DTD1: variants seen among roughly 807,000 people sequenced by gnomAD.
DTD1 encodes D-aminoacyl-tRNA deacylase 1.
DTD1 carries 13 observed loss-of-function variants against 25.6 expected under a neutral mutation model. The ratio of observed to expected loss-of-function variants is 0.51; its 90% CI spans 0.33 to 0.81. The LOEUF is 0.81. Among genes scored for constraint, DTD1 ranks in the 30% least tolerant of loss-of-function variants. DTD1 has a pLI of 0.02. For synonymous variants in DTD1, 110 were observed against 103.6 expected (o/e 1.06, Z -0.37); for missense variants, 193 against 266.4 (o/e 0.72, Z 1.92).
chr20:18,651,998 C>T (rs2060875956), intron 4 of DTD1, among the ~76,000 whole-genome samples: 1 of 152,176 alleles, frequency 6.6e-6, no homozygotes, highest in African/African-American at 2.4e-5. Flanking sequence ...TGGTTCCTGT[C>T]CCCATTGGCA....
chr20:18,639,194 A>G (rs535032463), intron 4 of DTD1, among the ~76,000 whole-genome samples: 1 of 151,562 alleles, frequency 6.6e-6, no homozygotes, highest in Non-Finnish European at 1.5e-5. Context: ...AAAAAAAAAA[A>G]AAAAGCAAGC....
At chr20:18,644,763 A>G (rs1283660288) in intron 4 of DTD1, among the ~76,000 whole-genome samples, 3 of 152,134 alleles carry the variant, frequency 2.0e-5, no homozygotes, top group Non-Finnish European at 4.4e-5. Context: ...TTTGAGATAA[A>G]TCAGTTCCAT....
At chr20:18,609,945 A>G (rs1048848230) in intron 3 of DTD1, among the ~76,000 whole-genome samples, 3 of 152,230 alleles carry the variant, frequency 2.0e-5, no homozygotes, top group Admixed American at 6.5e-5. Context: ...AATTAAGTCA[A>G]ATCCTCTGAG....
intron 4 of DTD1, among the ~76,000 whole-genome samples, chr20:18,669,113 G>A (rs2060942506): frequency 6.6e-6 from 1 of 152,048 alleles, no homozygotes; most frequent in South Asian, 2.1e-4. Context: ...AATTATATCT[G>A]GACTGTAATA....
chr20:18,705,647 A>C (rs2061123509), intron 4 of DTD1, among the ~76,000 whole-genome samples: 1 of 152,016 alleles, frequency 6.6e-6, no homozygotes, highest in African/African-American at 2.4e-5. Context: ...CAGAGGCCTC[A>C]GTGGGAAGGA....
rs78202581 is a variant in DTD1 at position 18,680,816 on chromosome 20, A to G, written c.477+52583A>G. Among the ~76,000 whole-genome samples, 526 of 152,326 alleles carry G rather than the reference A, an allele frequency of 3.5e-3. 1 individual carries two copies. The highest frequency in any genetic ancestry group is 0.012 in the African/African-American group (485 of 41,570). On this transcript the variant is annotated intron_variant, in intron 4 of 5. Coordinates refer to ENST00000377452, the MANE Select transcript of DTD1 (RefSeq NM_080820.6). Reference sequence around the variant, plus strand: ...AAAGTACAAAATAAAGCCAGCTCAGAGTAGATGACGGGTTAAACTTTGGTG... The same window carrying G: ...AAAGTACAAAATAAAGCCAGCTCAGGGTAGATGACGGGTTAAACTTTGGTG...
At chr20:18,637,573 G>T (rs1441397877) in intron 4 of DTD1, among the ~76,000 whole-genome samples, 1 of 152,190 alleles carries the variant, frequency 6.6e-6, no homozygotes, top group Non-Finnish European at 1.5e-5. Flanking sequence ...GGCTTTCTGA[G>T]TACCAGACAT....
chr20:18,632,188 A>T, intron 4 of DTD1: 1 of 985,438 alleles, frequency 1.0e-6, no homozygotes, highest in Non-Finnish European at 1.2e-6. Flanking sequence ...ATCCTCAAGT[A>T]GGCATTTTTT....
At chr20:18,745,462 T>C (rs2122523192) in intron 5 of DTD1, among the ~76,000 whole-genome samples, 1 of 152,300 alleles carries the variant, frequency 6.6e-6, no homozygotes, top group East Asian at 1.9e-4. Flanking sequence ...ACAGTTATAC[T>C]ACAGCACGGT....
intron 4 of DTD1, among the ~76,000 whole-genome samples, chr20:18,654,089 T>G (rs188180656): frequency 2.6e-5 from 4 of 152,344 alleles, no homozygotes; most frequent in Admixed American, 2.6e-4. Context: ...CAAATAAAAC[T>G]CCAGAATTTC....
intron 4 of DTD1, among the ~76,000 whole-genome samples, chr20:18,709,054 G>A (rs942648633): frequency 6.6e-6 from 1 of 152,204 alleles, no homozygotes; most frequent in Non-Finnish European, 1.5e-5. Context: ...GGACAACAGT[G>A]CTTGCTGTTA....
chr20:18,659,290 T>C (rs1014929201), intron 4 of DTD1, among the ~76,000 whole-genome samples: 4 of 152,188 alleles, frequency 2.6e-5, no homozygotes, highest in Non-Finnish European at 4.4e-5. Context: ...GTTTGCACCT[T>C]TGGCCCTGTT....
chr20:18,735,996 A>G (rs1259590762), intron 4 of DTD1, among the ~76,000 whole-genome samples: 1 of 152,098 alleles, frequency 6.6e-6, no homozygotes, highest in Non-Finnish European at 1.5e-5. Flanking sequence ...TGTGTGGCCC[A>G]AGACAATTCT....
chr20:18,732,902 A>C (rs895110356), intron 4 of DTD1, among the ~76,000 whole-genome samples: 1 of 152,236 alleles, frequency 6.6e-6, no homozygotes, highest in Non-Finnish European at 1.5e-5. Flanking sequence ...GTAGACACGT[A>C]AACCAATGTA....
rs886744967 is a variant in DTD1, at chr20:18,749,727, C to T, written c.*19+5456C>T. 6.6e-6 allele frequency among the ~76,000 whole-genome samples: 1 copy of T among 152,156 alleles called. No homozygotes were observed. The highest frequency in any genetic ancestry group is 2.4e-5 in the African/African-American group (1 of 41,438). On this transcript the variant is annotated intron_variant, in intron 5 of 5. Transcript: ENST00000377452. This position sits in a 1 kb window ranked among gnomAD's most constrained non-coding sequence, Gnocchi z 4.2. ...TCCCTCAGTGGTGCAGTGTCAGGGC[C>T]CAGGTGCTGAGCTGCACCAACCACC...
intron 3 of DTD1, among the ~76,000 whole-genome samples, chr20:18,612,006 G>A (rs909033356): frequency 8.8e-5 from 13 of 147,296 alleles, no homozygotes; most frequent in Non-Finnish European, 1.6e-4. Context: ...AGGCGCCCAC[G>A]ACCGTGCCCG....
chr20:18,621,296 AG>A (rs1382588807), intron 3 of DTD1, among the ~76,000 whole-genome samples: 6 of 152,334 alleles, frequency 3.9e-5, no homozygotes, highest in African/African-American at 1.4e-4. Context: ...CATTTTTGGC[AG>A]GAACACTACA....
chr20:18,691,660 A>G (rs1466008586), intron 4 of DTD1, among the ~76,000 whole-genome samples: 1 of 152,220 alleles, frequency 6.6e-6, no homozygotes, highest in Non-Finnish European at 1.5e-5. Context: ...CCTATTGGGT[A>G]CTATGCTCAT....
chr20:18,641,212 G>A (rs1282203597), intron 4 of DTD1, among the ~76,000 whole-genome samples: 1 of 152,078 alleles, frequency 6.6e-6, no homozygotes, highest in Non-Finnish European at 1.5e-5. Flanking sequence ...ATATTCTCTT[G>A]TATACCGTAT....
Sources: gnomAD v4.1 joint callset for allele counts (sites outside exome capture counted in the v4.1 genomes callset) on GRCh38, gnomAD v4.1.1 for gene constraint, Gnocchi (gnomAD v3.1) non-coding constraint, MANE v1.5 for transcripts, NCBI Gene and HGNC (gene_info 2026-07-23, HGNC 2026-07-21) for gene names.